Variants in HMGN1 observed in about 807,000 individuals in gnomAD.
HMGN1 encodes non-histone chromosomal protein HMG-14.
HMGN1 carries 9 observed loss-of-function variants against 18.4 expected under a neutral mutation model. The observed-to-expected ratio is 0.49, with a 90% CI of 0.29 to 0.85. HMGN1 has a LOEUF of 0.85. Ranked by LOEUF, HMGN1 falls within the 40% of genes least tolerant of loss-of-function variation. The pLI is 0.07. For missense variants in HMGN1, 151 were observed against 119.2 expected, an observed-to-expected ratio of 1.27 and a Z score of -1.24; for synonymous variants, 59 against 45.0, an observed-to-expected ratio of 1.31 and a Z score of -1.24.
Position 39,345,269 on chromosome 21 carries a change from T to G in HMGN1, c.132A>C (p.Lys44Asn). 6.2e-7 allele frequency: 1 copy of G among 1,612,176 alleles called. No homozygotes were observed. The highest frequency in any genetic ancestry group is 8.5e-7 in the Non-Finnish European group (1 of 1,178,512). ...AKPKKAAAKD[K>N]SSDKKVQTKG... Reference sequence around the variant, plus strand: ...TTGTTTGCACTTTTTTGTCTGAAGATTTATCCTATGATAGAATAAGAATAT... The same window carrying G: ...TTGTTTGCACTTTTTTGTCTGAAGAGTTATCCTATGATAGAATAAGAATAT... The change falls in exon 5 of 6, where the codon AAA (lysine) becomes AAC (asparagine). Residue 44 changes from lysine (K) to asparagine (N), a missense_variant. Physicochemically the swap from Lys to Asn is moderately conservative, Grantham distance 94. Coordinates refer to ENST00000380749, the MANE Select transcript of HMGN1 (RefSeq NM_004965.7).
Position 39,349,032 on chromosome 21 carries a change from C to A in HMGN1, c.-115G>T. 8.9e-7 allele frequency: 1 copy of A among 1,119,674 alleles called. No individual in the cohort carries two copies. The highest frequency in any genetic ancestry group is 1.1e-6 in the Non-Finnish European group (1 of 898,030). 69.4% of individuals were successfully genotyped at this position (1,119,674 alleles called of 1,614,324 possible). On this transcript the variant is annotated 5_prime_UTR_variant, in exon 1 of 6. Transcript: ENST00000380749. ...AAACTGGGCTGCCTTGCCGCTGCCA[C>A]TCCTCCCGCCGCCCGAGCTGCTGAG...
intron 5 of HMGN1, among the ~76,000 whole-genome samples, chr21:39,344,256 CAAAAAAAAA>C (rs3067491): frequency 4.4e-5 from 5 of 113,500 alleles, no homozygotes; most frequent in African/African-American, 1.4e-4. Flanking sequence ...AATTCCGTCT[CAAAAAAAAA>C]AAAAAAAAAA....
intron 5 of HMGN1, among the ~76,000 whole-genome samples, chr21:39,343,530 C>T (rs1446212775): frequency 1.3e-5 from 2 of 152,160 alleles, no homozygotes; most frequent in African/African-American, 2.4e-5. Context: ...TTTAAAATGG[C>T]CCCCACGCAT....
Position 39,348,405 on chromosome 21 carries a change from G to A in HMGN1, c.78+17C>T, listed in dbSNP as rs1281586304. ...GACCCGCGGAAAACGAACGGTTACG[G>A]GGCTCGCTTTACTTACAGCTGACAA... On this transcript the variant is annotated intron_variant, in intron 3 of 5. Transcript: ENST00000380749. The A allele has an allele frequency of 3.7e-6, 6 of 1,614,082 alleles. No individual in the cohort carries two copies. Among genetic ancestry groups the A allele is most frequent in the African/African-American group, 2.7e-5 (2 of 74,938 alleles).
chr21:39,346,877 T>G (rs748730614), intron 4 of HMGN1: 11 of 152,230 alleles, frequency 7.2e-5, no homozygotes, highest in Non-Finnish European at 1.5e-4. Flanking sequence ...ACATGAAGAC[T>G]TACCTGTTGG....
intron 5 of HMGN1, among the ~76,000 whole-genome samples, chr21:39,344,364 GA>G (rs1480089479): frequency 6.6e-6 from 1 of 150,830 alleles, no homozygotes; most frequent in South Asian, 2.1e-4. Context: ...TATAACTTAA[GA>G]ATTTGATAAA....
intron 4 of HMGN1, 155 bp downstream of exon 4, chr21:39,348,137 C>T: frequency 4.1e-6 from 4 of 980,680 alleles, no homozygotes; most frequent in Non-Finnish European, 6.0e-6. Context: ...ATGAATATAT[C>T]CATTACATTT....
rs200500013 is a variant in HMGN1 at position 39,348,559 on chromosome 21, C to T, written c.34G>A (p.Ala12Thr). The change falls in exon 2 of 6, where the codon GCC (alanine) becomes ACC (threonine). Residue 12 changes from alanine (A) to threonine (T), a missense_variant. Coordinates refer to ENST00000380749, the MANE Select transcript of HMGN1 (RefSeq NM_004965.7). ...CCCGCACTCACCTCTTCCTTGGCGG[C>T]GCCTTCGGCGGAGCTGACCTGCGGA... ...PKRKVSSAEG[A>T]AKEEPKRRSA... The T allele has an allele frequency of 1.2e-4, 187 of 1,611,786 alleles. 1 individual carries two copies. The African/African-American group carries it at 1.6e-3, about 13-fold the overall frequency.
chr21:39,345,846 T>G (rs760049027), intron 4 of HMGN1: 1 of 1,302,260 alleles, frequency 7.7e-7, no homozygotes, highest in Non-Finnish European at 1.0e-6. Context: ...AAAAGCACCA[T>G]GCCGTACGGT....
chr21:39,345,535 G>A, intron 4 of HMGN1: 2 of 520,744 alleles, frequency 3.8e-6, no homozygotes, highest in Non-Finnish European at 6.9e-6. Context: ...CCTATTACAT[G>A]AGACAACTTA....
chr21:39,346,675 T>C (rs547599086), intron 4 of HMGN1: 2 of 152,614 alleles, frequency 1.3e-5, no homozygotes, highest in South Asian at 4.1e-4. Flanking sequence ...AGATATGCCT[T>C]GAAAACATGT....
chr21:39,348,734 GA>G lies in HMGN1; in HGVS notation c.16-158del, dbSNP rs1306982818. Reference sequence around the variant, plus strand: ...GCTCCCCCGGCCGCCAAACGTTCCAGAACGCCCGCCCCCGCGGCCGCCGAGC... The same window carrying G: ...GCTCCCCCGGCCGCCAAACGTTCCAGACGCCCGCCCCCGCGGCCGCCGAGC... On this transcript the variant is annotated intron_variant, in intron 1 of 5. Coordinates refer to ENST00000380749, the MANE Select transcript of HMGN1 (RefSeq NM_004965.7). 1.4e-4 allele frequency: 158 copies of G among 1,117,176 alleles called. No individual in the cohort carries two copies. In the East Asian group the frequency reaches 3.7e-3, roughly 26 times the overall value. 69.2% of individuals were successfully genotyped at this position (1,117,176 alleles called of 1,614,324 possible).
chr21:39,348,551 C>T lies in HMGN1; in HGVS notation c.42G>A (p.Lys14=), dbSNP rs1317430834. ...GCAGAAGGCCCGCACTCACCTCTTC[C>T]TTGGCGGCGCCTTCGGCGGAGCTGA... ...RKVSSAEGAA[K]EEPKRRSARL... is the part of the protein sequence containing the mutation. The change falls in exon 2 of 6, where the codon AAG becomes AAA. Residue 14 remains lysine, a synonymous_variant. Transcript: ENST00000380749. 4.3e-6 allele frequency: 7 copies of T among 1,611,036 alleles called. No individual in the cohort carries two copies. Among genetic ancestry groups the T allele is most frequent in the Non-Finnish European group, 5.9e-6 (7 of 1,178,406 alleles).
rs2037168015 is a variant in HMGN1, at chr21:39,348,860, C to T, written c.15+43G>A. On this transcript the variant is annotated intron_variant, in intron 1 of 5. Coordinates refer to ENST00000380749, the MANE Select transcript of HMGN1 (RefSeq NM_004965.7). ...CTCGCGGGGCCCGGCGGGGCGCCGG[C>T]GGCGGCTCCAGGGGGCGTGTGCGGG... The T allele has an allele frequency of 5.5e-6, 6 of 1,083,048 alleles. No individual in the cohort carries two copies. The South Asian group carries it at 2.2e-4, about 40-fold the overall frequency. The allele number at this position is 1,083,048 out of a possible 1,614,324, so 67.1% of individuals were successfully genotyped here. A position where few individuals can be genotyped will look rare whatever the true frequency, so the allele number is the denominator to read the frequency against.
chr21:39,345,327 T>G (rs1254366038), intron 4 of HMGN1, 53 bp from the exon 5 acceptor site: 1 of 1,554,908 alleles, frequency 6.4e-7, no homozygotes, highest in Admixed American at 1.7e-5. Flanking sequence ...CTTATTTACA[T>G]TTTGTTTTAC....
chr21:39,347,516 A>T (rs1322225338), intron 4 of HMGN1: 8 of 998,178 alleles, frequency 8.0e-6, no homozygotes, highest in Admixed American at 4.7e-5. Context: ...ATTAACAAAA[A>T]TTTTTTTTGA....
At chr21:39,345,904 G>A (rs1053678181) in intron 4 of HMGN1, 3 of 1,301,362 alleles carry the variant, frequency 2.3e-6, no homozygotes, top group African/African-American at 1.5e-5. Flanking sequence ...CATATAATGA[G>A]GAACTAAAAG....
intron 4 of HMGN1, chr21:39,347,884 T>C (rs2037113613): frequency 5.3e-6 from 3 of 571,182 alleles, no homozygotes; most frequent in Non-Finnish European, 6.5e-6. Flanking sequence ...CTTCCCGAAG[T>C]TGGCTTGGAA....
At chr21:39,348,792 C>T in intron 1 of HMGN1, 111 bp downstream of exon 1, 1 of 1,059,966 alleles carries the variant, frequency 9.4e-7, no homozygotes, top group Non-Finnish European at 1.2e-6. Flanking sequence ...TCTCCAAGCG[C>T]CTCCCGGGCC....
Sources: gnomAD v4.1 joint callset for allele counts (sites outside exome capture counted in the v4.1 genomes callset) on GRCh38, gnomAD v4.1.1 for gene constraint, MANE v1.5 for transcripts, NCBI Gene and HGNC (gene_info 2026-07-23, HGNC 2026-07-21) for gene names.